Variants in FAM229B observed in about 807,000 individuals in gnomAD.
FAM229B encodes the protein protein FAM229B.
FAM229B carries 2 observed loss-of-function variants against 6.7 expected under a neutral mutation model. That is an observed-to-expected ratio of 0.30 (90% CI 0.12 to 0.94). FAM229B has a LOEUF of 0.94. FAM229B is among the 40% of genes least tolerant of loss of function. FAM229B has a pLI of 0.54. For synonymous variants in FAM229B, 29 were observed against 34.0 expected (o/e 0.85, Z 0.51); for missense variants, 93 against 96.2 (o/e 0.97, Z 0.14).
chr6:112,098,067 A>C lies in FAM229B; in HGVS notation c.-15+866A>C, dbSNP rs146170839. On this transcript the variant is annotated intron_variant, in intron 2 of 3. Coordinates refer to ENST00000368656, the MANE Select transcript of FAM229B (RefSeq NM_001033564.3). Reference sequence around the variant, plus strand: ...AATGCTGCGAAACATCCTACAGTGCACAGGACAGTATCCTCCCTCCCCAGC... The same window carrying C: ...AATGCTGCGAAACATCCTACAGTGCCCAGGACAGTATCCTCCCTCCCCAGC... Among the ~76,000 whole-genome samples, 425 of 152,282 alleles carry C rather than the reference A, an allele frequency of 2.8e-3. 2 individuals are homozygous for C. The highest frequency in any genetic ancestry group is 5.5e-3 in the Non-Finnish European group (371 of 68,020).
Position 112,099,294 on chromosome 6 carries a change from A to G in FAM229B, c.11A>G (p.Gln4Arg). The change falls in exon 3 of 4, where the codon CAA (glutamine) becomes CGA (arginine). Residue 4 changes from glutamine (Q) to arginine (R), a missense_variant. By Grantham distance (43) the Gln-to-Arg change is conservative. Transcript: ENST00000368656. MPF[Q>R]FGTQPRRFPV... ...GGTTTTCAGTGAAGTATGCCTTTTC[A>G]ATTTGGAACCCAGCCAAGGAGGTTT... is the stretch of plus-strand genomic sequence containing the variant. 3.1e-6 allele frequency: 5 copies of G among 1,613,182 alleles called. No homozygotes were observed. Among genetic ancestry groups the G allele is most frequent in the Admixed American group, 1.7e-5 (1 of 59,838 alleles).
At chr6:112,094,589 A>G (rs1244221196) in intron 1 of FAM229B, among the ~76,000 whole-genome samples, 3 of 152,086 alleles carry the variant, frequency 2.0e-5, no homozygotes, top group South Asian at 2.1e-4. Context: ...AACAAATCCT[A>G]TCGTAACCTA....
chr6:112,091,816 C>T (rs1156408240), intron 1 of FAM229B, among the ~76,000 whole-genome samples: 2 of 151,864 alleles, frequency 1.3e-5, no homozygotes, highest in Non-Finnish European at 2.9e-5. Flanking sequence ...ATTAAAAGAA[C>T]ATTAAAGCAG....
At chr6:112,091,413 T>C (rs1192324628) in intron 1 of FAM229B, among the ~76,000 whole-genome samples, 1 of 152,138 alleles carries the variant, frequency 6.6e-6, no homozygotes, top group Admixed American at 6.5e-5. Flanking sequence ...AGGGTTCACA[T>C]AGGGCTAGGA....
chr6:112,096,352 C>G lies in FAM229B; in HGVS notation c.-175-689C>G, dbSNP rs587606694. Among the ~76,000 whole-genome samples the G allele has an allele frequency of 3.9e-5, 6 of 152,148 alleles. No individual in the cohort carries two copies. The South Asian group carries it at 1.2e-3, about 32-fold the overall frequency. On this transcript the variant is annotated intron_variant, in intron 1 of 3. Transcript: ENST00000368656. ...CGGGCGGATCACGAGGTCAGGAGAT[C>G]GAGACCATCCTGGCTAACACGGTGA... is the stretch of plus-strand genomic sequence containing the variant.
At chr6:112,099,584 A>G (rs2114510886) in intron 3 of FAM229B, among the ~76,000 whole-genome samples, 176 bp downstream of exon 3, 1 of 152,256 alleles carries the variant, frequency 6.6e-6, no homozygotes, top group South Asian at 2.1e-4. Flanking sequence ...TGTATTTTGT[A>G]TTTCTGTAAG....
chr6:112,100,731 T>C lies in FAM229B; in HGVS notation c.187T>C (p.Tyr63His). ...LTITDVPVTV[Y>H]ATTRKPPAQS... is the part of the protein sequence containing the mutation. ...AATAACTGATGTTCCCGTCACTGTT[T>C]ATGCAACAACGAGAAAGCCACCTGC... The change falls in exon 4 of 4, where the codon TAT (tyrosine) becomes CAT (histidine). Residue 63 changes from tyrosine to histidine, a missense_variant. Transcript: ENST00000368656. 6.2e-7 allele frequency: 1 copy of C among 1,614,092 alleles called. No individual in the cohort carries two copies. The highest frequency in any genetic ancestry group is 1.3e-5 in the African/African-American group (1 of 75,028).
chr6:112,090,397 T>A (rs1554318060), intron 1 of FAM229B, among the ~76,000 whole-genome samples: 1 of 152,222 alleles, frequency 6.6e-6, no homozygotes, highest in African/African-American at 2.4e-5. Context: ...ATAGGTTTGT[T>A]CCTGGGTGAC....
rs587685226 is a variant in FAM229B, at chr6:112,098,969, G to A, written c.-14-301G>A. On this transcript the variant is annotated intron_variant, in intron 2 of 3. Coordinates refer to ENST00000368656, the MANE Select transcript of FAM229B (RefSeq NM_001033564.3). ...TTAAAAATAGAATAACATTCAGAAT[G>A]TTTCTGTATGTCTATAACAAAATAG... 2.0e-5 allele frequency among the ~76,000 whole-genome samples: 3 copies of A among 152,282 alleles called. No homozygotes were observed. In the East Asian group the frequency reaches 5.8e-4, roughly 29 times the overall value.
chr6:112,095,679 A>AAAAAAG (rs1777316067), intron 1 of FAM229B, among the ~76,000 whole-genome samples: 1 of 120,734 alleles, frequency 8.3e-6, no homozygotes, highest in African/African-American at 3.8e-5. Flanking sequence ...AAAAAAAAAG[A>AAAAAAG]AAAAAAAAAA....
chr6:112,098,244 T>G (rs970886774), intron 2 of FAM229B, among the ~76,000 whole-genome samples: 3 of 152,172 alleles, frequency 2.0e-5, no homozygotes, highest in Admixed American at 1.3e-4. Flanking sequence ...AAAATGTAAA[T>G]TCAGACTTAA....
At position 112,099,265 on chromosome 6, in the gene FAM229B, T is replaced by C; in HGVS notation, c.-14-5T>C. On this transcript the variant is annotated splice_region_variant and splice_polypyrimidine_tract_variant and intron_variant, in intron 2 of 3. Coordinates refer to ENST00000368656, the MANE Select transcript of FAM229B (RefSeq NM_001033564.3). ...GGTTTTCAATATTTTAACTTTCCGATCTAGGTTTTCAGTGAAGTATGCCTT... is the reference window on the plus strand; with the variant it reads ...GGTTTTCAATATTTTAACTTTCCGACCTAGGTTTTCAGTGAAGTATGCCTT... 3.1e-6 allele frequency: 5 copies of C among 1,605,754 alleles called. No individual in the cohort carries two copies. Among genetic ancestry groups the C allele is most frequent in the Non-Finnish European group, 4.2e-6 (5 of 1,176,888 alleles).
intron 1 of FAM229B, among the ~76,000 whole-genome samples, chr6:112,095,864 T>C (rs1480512781): frequency 6.6e-6 from 1 of 152,054 alleles, no homozygotes; most frequent in African/African-American, 2.4e-5. Context: ...CACCGTCAGT[T>C]ATTTTTCCAA....
At chr6:112,091,519 G>T (rs1554318183) in intron 1 of FAM229B, among the ~76,000 whole-genome samples, 1 of 152,168 alleles carries the variant, frequency 6.6e-6, no homozygotes, top group Non-Finnish European at 1.5e-5. Flanking sequence ...GTGAAGAAAA[G>T]TTAGCCCTGG....
chr6:112,091,618 A>C (rs1777258271), intron 1 of FAM229B, among the ~76,000 whole-genome samples: 1 of 152,182 alleles, frequency 6.6e-6, no homozygotes, highest in Non-Finnish European at 1.5e-5. Context: ...GTCCCAGAAC[A>C]AAACTTAAAA....
At chr6:112,097,443 G>A (rs749034721) in intron 2 of FAM229B, among the ~76,000 whole-genome samples, 10 of 152,164 alleles carry the variant, frequency 6.6e-5, no homozygotes, top group Non-Finnish European at 1.3e-4. Context: ...CTAGGCATAA[G>A]AAATAGTTGC....
rs782323009 is a variant in FAM229B, at chr6:112,099,266, C to G, written c.-14-4C>G. 3.7e-6 allele frequency: 6 copies of G among 1,605,306 alleles called. No homozygotes were observed. Among genetic ancestry groups the G allele is most frequent in the Non-Finnish European group, 5.1e-6 (6 of 1,176,622 alleles). On this transcript the variant is annotated splice_region_variant and splice_polypyrimidine_tract_variant and intron_variant, in intron 2 of 3. Coordinates refer to ENST00000368656, the MANE Select transcript of FAM229B (RefSeq NM_001033564.3). The stretch of plus-strand genomic sequence containing the variant: ...GTTTTCAATATTTTAACTTTCCGAT[C>G]TAGGTTTTCAGTGAAGTATGCCTTT...
At chr6:112,089,284 A>T (rs1483356218) in intron 1 of FAM229B, among the ~76,000 whole-genome samples, 1 of 152,074 alleles carries the variant, frequency 6.6e-6, no homozygotes, top group Admixed American at 6.6e-5. Flanking sequence ...AAGGAAGACA[A>T]GGATGGAAGG....
intron 1 of FAM229B, among the ~76,000 whole-genome samples, chr6:112,090,549 C>T (rs1415561342): frequency 6.8e-6 from 1 of 147,020 alleles, no homozygotes; most frequent in Non-Finnish European, 1.5e-5. Context: ...TCAGCATAAA[C>T]TTTGTTGTGC....
Sources: allele counts gnomAD v4.1 joint callset (sites outside exome capture counted in the v4.1 genomes callset), GRCh38; gene constraint gnomAD v4.1.1; transcripts MANE v1.5; gene names NCBI Gene and HGNC (gene_info 2026-07-23, HGNC 2026-07-21).